Variants in KRABD5 observed in about 807,000 individuals in gnomAD.
The protein encoded by KRABD5 is KRAB domain-containing protein 5.
the KRABD5 span, among the ~76,000 whole-genome samples, chr16:31,734,918 T>A: frequency 6.6e-6 from 1 of 151,942 alleles, no homozygotes; most frequent in South Asian, 2.1e-4. Context: ...AGCTAATTTT[T>A]TTGTATTTTT....
At chr16:31,730,450 G>A in the KRABD5 span, among the ~76,000 whole-genome samples, 24 of 152,162 alleles carry the variant, frequency 1.6e-4, no homozygotes, top group African/African-American at 5.8e-4. Context: ...TGTATGTGAA[G>A]AATCTCTTAT....
the KRABD5 span, chr16:31,722,503 A>G: frequency 4.7e-6 from 5 of 1,058,280 alleles, no homozygotes; most frequent in Non-Finnish European, 7.0e-6. Flanking sequence ...TATCTTATTG[A>G]ATATTTCAGG....
chr16:31,741,978 G>T, the KRABD5 span, among the ~76,000 whole-genome samples: 1 of 151,966 alleles, frequency 6.6e-6, no homozygotes, highest in Non-Finnish European at 1.5e-5. Flanking sequence ...GTGAAATGTA[G>T]GCGTCTATGT....
At chr16:31,749,180 G>A in the KRABD5 span, among the ~76,000 whole-genome samples, 3 of 152,134 alleles carry the variant, frequency 2.0e-5, no homozygotes, top group Non-Finnish European at 2.9e-5. Context: ...TTCCTGCAGG[G>A]AAGCTGTGCA....
At chr16:31,753,053 A>G in the KRABD5 span, among the ~76,000 whole-genome samples, 1 of 152,122 alleles carries the variant, frequency 6.6e-6, no homozygotes, top group African/African-American at 2.4e-5. Flanking sequence ...TTGATCAAGT[A>G]AGAGACAGCT....
chr16:31,717,723 A>G, the KRABD5 span, among the ~76,000 whole-genome samples: 101,764 of 151,952 alleles, frequency 0.67, 34,614 homozygotes, highest in Middle Eastern at 0.74. Flanking sequence ...CATTTTTCTC[A>G]TGATTCTGTT....
chr16:31,714,455 C>T, the KRABD5 span: 8 of 455,730 alleles, frequency 1.8e-5, no homozygotes, highest in African/African-American at 4.0e-5. Context: ...CGTGCAGTGC[C>T]AGGAGAGTGG....
the KRABD5 span, among the ~76,000 whole-genome samples, chr16:31,751,635 A>G: frequency 2.6e-5 from 4 of 152,064 alleles, no homozygotes; most frequent in East Asian, 7.7e-4. Context: ...GTTGTTTCTG[A>G]TTGTGCTTAT....
chr16:31,725,590 T>G, the KRABD5 span, among the ~76,000 whole-genome samples: 12 of 152,256 alleles, frequency 7.9e-5, no homozygotes, highest in Non-Finnish European at 1.5e-4. Flanking sequence ...CCAACATTTG[T>G]GATCGCTTGT....
chr16:31,738,169 T>G, the KRABD5 span, among the ~76,000 whole-genome samples: 12 of 152,146 alleles, frequency 7.9e-5, no homozygotes, highest in Non-Finnish European at 1.6e-4. Flanking sequence ...TTGTGTATTC[T>G]GCTGTTGAAT....
chr16:31,720,429 G>A, the KRABD5 span, among the ~76,000 whole-genome samples: 1 of 152,098 alleles, frequency 6.6e-6, no homozygotes, highest in Non-Finnish European at 1.5e-5. Flanking sequence ...TACTTAGCAC[G>A]GGCCCCAGAA....
chr16:31,744,313 A>G, the KRABD5 span, among the ~76,000 whole-genome samples: 1 of 152,196 alleles, frequency 6.6e-6, no homozygotes, highest in African/African-American at 2.4e-5. Context: ...TACCTAGTTT[A>G]TTGAGAGTTT....
the KRABD5 span, among the ~76,000 whole-genome samples, chr16:31,715,253 CTT>C: frequency 3.9e-5 from 6 of 152,216 alleles, no homozygotes; most frequent in African/African-American, 1.2e-4. Flanking sequence ...AGATAAAACT[CTT>C]TATTTAATTG....
At chr16:31,727,431 T>C in the KRABD5 span, among the ~76,000 whole-genome samples, 1 of 152,210 alleles carries the variant, frequency 6.6e-6, no homozygotes, top group Non-Finnish European at 1.5e-5. Context: ...CTATGACTGC[T>C]CCTGTGGAGC....
chr16:31,733,555 A>G, the KRABD5 span: 48 of 456,196 alleles, frequency 1.1e-4, no homozygotes, highest in Non-Finnish European at 1.7e-4. Flanking sequence ...TCCTTTCCAC[A>G]CTTCTCTCCA....
At chr16:31,752,561 T>C in the KRABD5 span, among the ~76,000 whole-genome samples, 1 of 152,214 alleles carries the variant, frequency 6.6e-6, no homozygotes, top group Admixed American at 6.5e-5. Flanking sequence ...TGGGTTAATA[T>C]TCTCATTTCT....
the KRABD5 span, among the ~76,000 whole-genome samples, chr16:31,732,439 A>G: frequency 1.3e-5 from 2 of 152,256 alleles, no homozygotes; most frequent in Admixed American, 1.3e-4. Flanking sequence ...TATAAGATGT[A>G]AATTAGATTA....
At chr16:31,729,304 G>A in the KRABD5 span, among the ~76,000 whole-genome samples, 15 of 152,306 alleles carry the variant, frequency 9.8e-5, no homozygotes, top group South Asian at 3.1e-3. Context: ...AATGAAATGG[G>A]TGATTTATAA....
chr16:31,725,556 C>T, the KRABD5 span, among the ~76,000 whole-genome samples: 2 of 152,196 alleles, frequency 1.3e-5, no homozygotes, highest in Non-Finnish European at 2.9e-5. Flanking sequence ...TGGCATACAA[C>T]GTTTCCTTTT....
Sources: allele counts gnomAD v4.1 joint callset (sites outside exome capture counted in the v4.1 genomes callset), GRCh38; gene constraint gnomAD v4.1.1; transcripts MANE v1.5; gene names NCBI Gene and HGNC (gene_info 2026-07-23, HGNC 2026-07-21).